KCNJ6: variants seen among roughly 807,000 people sequenced by gnomAD.
KCNJ6 encodes G protein-activated inward rectifier potassium channel 2.
Under a neutral mutation model 34.2 loss-of-function variants are expected in KCNJ6, and 9 were observed. That is an observed-to-expected ratio of 0.26 (90% CI 0.16 to 0.46). KCNJ6 has a LOEUF of 0.46. Ranked by LOEUF, KCNJ6 falls within the 20% of genes least tolerant of loss-of-function variation. The probability of loss-of-function intolerance (pLI) is 1.00; values close to 1 mark genes in which losing one functional copy is unlikely to be tolerated. For synonymous variants in KCNJ6, 196 were observed against 207.1 expected (o/e 0.95, Z 0.46); for missense variants, 236 against 531.3 (o/e 0.44, Z 5.46).
chr21:37,899,114 G>A (rs1162470489), intron 1 of KCNJ6, among the ~76,000 whole-genome samples: 1 of 152,164 alleles, frequency 6.6e-6, no homozygotes, highest in African/African-American at 2.4e-5. Flanking sequence ...CTTTTCTCAA[G>A]TTTTCAGGGG....
At chr21:37,839,268 T>C (rs1431895986) in intron 2 of KCNJ6, among the ~76,000 whole-genome samples, 3 of 152,076 alleles carry the variant, frequency 2.0e-5, no homozygotes, top group Admixed American at 6.5e-5. Flanking sequence ...GGGCAGGAGA[T>C]GATACAGAAA....
chr21:37,875,076 A>T (rs1352122430), intron 1 of KCNJ6, among the ~76,000 whole-genome samples: 1 of 152,168 alleles, frequency 6.6e-6, no homozygotes, highest in Non-Finnish European at 1.5e-5. Context: ...AGGTCCTGAG[A>T]GCAGGGCTGT....
chr21:37,787,153 A>G (rs2055196620), intron 2 of KCNJ6, among the ~76,000 whole-genome samples: 1 of 152,204 alleles, frequency 6.6e-6, no homozygotes, highest in African/African-American at 2.4e-5. Context: ...ACAACAAATG[A>G]GCAGGGGGTT....
chr21:37,712,473 C>T (rs857952), intron 3 of KCNJ6, among the ~76,000 whole-genome samples: 1,081 of 101,778 alleles, frequency 0.011, 11 homozygotes, highest in East Asian at 0.037. Context: ...TCCTCTCTCC[C>T]TCCTCCCTTT....
chr21:37,844,215 C>T (rs1019566655), intron 1 of KCNJ6, among the ~76,000 whole-genome samples: 2 of 152,036 alleles, frequency 1.3e-5, no homozygotes, highest in South Asian at 2.1e-4. Flanking sequence ...CACACCAAAA[C>T]GCCCAGCTAA....
intron 3 of KCNJ6, among the ~76,000 whole-genome samples, chr21:37,710,435 G>T (rs747691283): frequency 2.0e-5 from 3 of 152,202 alleles, no homozygotes; most frequent in Non-Finnish European, 4.4e-5. Flanking sequence ...GAATGACGGG[G>T]ACACAGAGGT....
chr21:37,836,915 G>A (rs1301694474), intron 2 of KCNJ6, among the ~76,000 whole-genome samples: 1 of 151,976 alleles, frequency 6.6e-6, no homozygotes, highest in Non-Finnish European at 1.5e-5. Flanking sequence ...AAAAAAATTG[G>A]CAGCCTTTGG....
rs2054264117 is a variant in KCNJ6, at chr21:37,615,623, T to C, written c.*9536A>G. 1.3e-5 allele frequency: 2 copies of C among 152,156 alleles called. No individual in the cohort carries two copies. The highest frequency in any genetic ancestry group is 6.5e-5 in the Admixed American group (1 of 15,282). 9.4% of individuals were successfully genotyped at this position (152,156 alleles called of 1,614,324 possible). A position where few individuals can be genotyped will look rare whatever the true frequency, so the allele number is the denominator to read the frequency against. On this transcript the variant is annotated 3_prime_UTR_variant, in exon 4 of 4. Transcript: ENST00000609713. ...GGAAAATGGCAAGTTCAAGAAGAAA[T>C]AGTATTCTGGAACTTTGCTCTGGGG...
At chr21:37,758,891 A>G (rs537674304) in intron 2 of KCNJ6, among the ~76,000 whole-genome samples, 30 of 152,242 alleles carry the variant, frequency 2.0e-4, no homozygotes, top group Admixed American at 5.9e-4. Context: ...TTGGCCTCCC[A>G]AAGTGCTGGG....
chr21:37,710,663 C>T (rs543391596), intron 3 of KCNJ6, among the ~76,000 whole-genome samples: 10 of 152,302 alleles, frequency 6.6e-5, no homozygotes, highest in South Asian at 2.1e-4. Context: ...GCAAGCCCAG[C>T]GCTGCGTGGC....
chr21:37,905,263 A>G (rs1364668887), intron 1 of KCNJ6, among the ~76,000 whole-genome samples: 3 of 152,152 alleles, frequency 2.0e-5, no homozygotes, highest in African/African-American at 7.2e-5. Flanking sequence ...TCCTAATCCC[A>G]GTATTTAACT....
intron 3 of KCNJ6, among the ~76,000 whole-genome samples, chr21:37,704,534 G>A (rs534341012): frequency 2.6e-5 from 4 of 152,070 alleles, no homozygotes; most frequent in African/African-American, 4.8e-5. Flanking sequence ...TTATCCGTCC[G>A]CTTTCACAGA....
chr21:37,611,950 CT>C lies in KCNJ6; in HGVS notation c.*13208del, dbSNP rs1191599978. Reference sequence around the variant, plus strand: ...AAAAAAGGTGTCCCCATCACTACTGCTTTTCAACATGATACTGGAAGTCCTG... The same window carrying C: ...AAAAAAGGTGTCCCCATCACTACTGCTTTCAACATGATACTGGAAGTCCTG... On this transcript the variant is annotated 3_prime_UTR_variant, in exon 4 of 4. Coordinates refer to ENST00000609713, the MANE Select transcript of KCNJ6 (RefSeq NM_002240.5). 6.6e-6 allele frequency: 1 copy of C among 152,138 alleles called. No individual in the cohort carries two copies. Among genetic ancestry groups the C allele is most frequent in the African/African-American group, 2.4e-5 (1 of 41,434 alleles). 9.4% of individuals were successfully genotyped at this position (152,138 alleles called of 1,614,324 possible). A position where few individuals can be genotyped will look rare whatever the true frequency, so the allele number is the denominator to read the frequency against.
intron 3 of KCNJ6, among the ~76,000 whole-genome samples, chr21:37,700,689 A>G (rs1029188133): frequency 5.3e-5 from 8 of 152,136 alleles, no homozygotes; most frequent in Admixed American, 6.6e-5. Context: ...ATGTTTGGGT[A>G]CTAGAGACAG....
intron 1 of KCNJ6, among the ~76,000 whole-genome samples, chr21:37,854,764 A>T (rs995262581): frequency 2.0e-5 from 3 of 152,232 alleles, no homozygotes; most frequent in Non-Finnish European, 4.4e-5. Flanking sequence ...CATAAATATG[A>T]ACAACCATTA....
intron 1 of KCNJ6, among the ~76,000 whole-genome samples, chr21:37,851,566 G>A: frequency 6.6e-6 from 1 of 152,154 alleles, no homozygotes; most frequent in Non-Finnish European, 1.5e-5. Context: ...GGAGGGAAGG[G>A]ACAGAAGGTG....
At chr21:37,807,016 C>T (rs62221970) in intron 2 of KCNJ6, among the ~76,000 whole-genome samples, 107 of 152,212 alleles carry the variant, frequency 7.0e-4, no homozygotes, top group Non-Finnish European at 1.3e-3. Flanking sequence ...TTCTCAGCAT[C>T]ATTTATTTTA....
At chr21:37,895,071 C>T (rs538522512) in intron 1 of KCNJ6, among the ~76,000 whole-genome samples, 54 of 152,328 alleles carry the variant, frequency 3.5e-4, no homozygotes, top group African/African-American at 1.3e-3. Context: ...TTGTGCCCAG[C>T]TCCATATTTT....
Position 37,607,482 on chromosome 21 carries a change from A to ATATATATATATATATATTTTTT in KCNJ6, c.*17676_*17677insAAAAAATATATATATATATATA. 48 of 136,736 alleles carry ATATATATATATATATATTTTTT rather than the reference A, an allele frequency of 3.5e-4. No individual in the cohort carries two copies. The highest frequency in any genetic ancestry group is 1.1e-3 in the East Asian group (5 of 4,380). The allele number at this position is 136,736 out of a possible 1,614,324, so 8.5% of individuals were successfully genotyped here. ...CTTAAAGATATATATATATATATAT[A>ATATATATATATATATATTTTTT]TTTTTTTTTTATTTTAAAAAAATTT... On this transcript the variant is annotated 3_prime_UTR_variant, in exon 4 of 4. Coordinates refer to ENST00000609713, the MANE Select transcript of KCNJ6 (RefSeq NM_002240.5).
Sources: gnomAD v4.1 joint callset for allele counts (sites outside exome capture counted in the v4.1 genomes callset) on GRCh38, gnomAD v4.1.1 for gene constraint, MANE v1.5 for transcripts, NCBI Gene and HGNC (gene_info 2026-07-23, HGNC 2026-07-21) for gene names.